PLEKHA8: variants seen among roughly 807,000 people sequenced by gnomAD.
PLEKHA8 encodes the protein pleckstrin homology domain-containing family A member 8.
Under a neutral mutation model 68.2 loss-of-function variants are expected in PLEKHA8, and 36 were observed. The ratio of observed to expected loss-of-function variants is 0.53; its 90% CI spans 0.40 to 0.70. The LOEUF is 0.70. Ranked by LOEUF, PLEKHA8 falls within the 30% of genes least tolerant of loss-of-function variation. PLEKHA8 has a pLI of 0.00. For synonymous variants in PLEKHA8, 211 were observed against 216.1 expected, an observed-to-expected ratio of 0.98 and a Z score of 0.20; for missense variants, 505 against 615.4, an observed-to-expected ratio of 0.82 and a Z score of 1.90.
chr7:30,090,179 CA>C, exon 13 of PLEKHA8: 1 of 1,549,818 alleles, frequency 6.5e-7, no homozygotes, highest in East Asian at 2.4e-5. Context: ...CACTTGACAC[CA>C]AAACATACCC....
downstream of PLEKHA8, among the ~76,000 whole-genome samples, chr7:30,088,906 G>T (rs1371184187): frequency 6.9e-5 from 10 of 145,316 alleles, no homozygotes. Context: ...TTGAGTGGGG[G>T]TGTTGTAGGG....
chr7:30,093,916 C>A (rs1463536079), downstream of PLEKHA8, among the ~76,000 whole-genome samples: 1 of 152,202 alleles, frequency 6.6e-6, no homozygotes, highest in Admixed American at 6.5e-5. Context: ...TGGACAAATC[C>A]TTTAACCCCT....
At chr7:30,029,993 GTTTT>G (rs1195655290) in intron 1 of PLEKHA8, among the ~76,000 whole-genome samples, 3 of 152,120 alleles carry the variant, frequency 2.0e-5, no homozygotes, top group African/African-American at 7.2e-5. Context: ...ATGAGAAGAG[GTTTT>G]TCTTGTTTGC....
Position 30,062,564 on chromosome 7 carries a change from C to G in PLEKHA8, c.1230-108C>G, listed in dbSNP as rs1015701427. 15 of 780,354 alleles carry G rather than the reference C, an allele frequency of 1.9e-5. No homozygotes were observed. In the Admixed American group the frequency reaches 3.1e-4, roughly 16 times the overall value. 48.3% of individuals were successfully genotyped at this position (780,354 alleles called of 1,614,324 possible). A position where few individuals can be genotyped will look rare whatever the true frequency, so the allele number is the denominator to read the frequency against. On this transcript the variant is annotated intron_variant, in intron 11 of 13. Coordinates refer to ENST00000449726, the MANE Select transcript of PLEKHA8 (RefSeq NM_001197026.2). ...GCCATATGATTTGACCTATTCACTG[C>G]TGTGCCTAAGATGTTACTGAAATGG...
At chr7:30,067,662 A>G (rs557399658) in intron 12 of PLEKHA8, among the ~76,000 whole-genome samples, 1 of 146,486 alleles carries the variant, frequency 6.8e-6, no homozygotes, top group Non-Finnish European at 1.5e-5. Flanking sequence ...CTTTTGCTAT[A>G]TATTTATGTG....
At chr7:30,049,476 A>G (rs1013033281) in intron 5 of PLEKHA8, 94 bp downstream of exon 5, 4 of 1,455,052 alleles carry the variant, frequency 2.7e-6, no homozygotes, top group East Asian at 4.7e-5. Flanking sequence ...TTAGTGACTT[A>G]TAAAGACAGT....
At chr7:30,094,923 C>CATTGGACTGG (rs1464345927), downstream of PLEKHA8, among the ~76,000 whole-genome samples, 2 of 152,120 alleles carry the variant, frequency 1.3e-5, no homozygotes, top group Non-Finnish European at 2.9e-5. Context: ...TCCAGTCTAT[C>CATTGGACTGG]ATTGTTGGAC....
chr7:30,115,473 CAT>C (rs993934579), intron 13 of PLEKHA8, among the ~76,000 whole-genome samples: 8 of 151,834 alleles, frequency 5.3e-5, no homozygotes, highest in South Asian at 2.1e-4. Context: ...TGTATACACA[CAT>C]GTATACGTGT....
intron 13 of PLEKHA8, chr7:30,115,845 C>A (rs555823141): frequency 2.0e-5 from 3 of 148,662 alleles, no homozygotes; most frequent in Non-Finnish European, 3.0e-5. Flanking sequence ...CATGTATACA[C>A]GTATGCATAC....
chr7:30,085,995 G>A (rs1451865661), downstream of PLEKHA8, among the ~76,000 whole-genome samples: 1 of 152,172 alleles, frequency 6.6e-6, no homozygotes, highest in Non-Finnish European at 1.5e-5. Context: ...TTGCCCTGAA[G>A]TTCCTCTTCT....
chr7:30,048,389 T>C (rs536837174), intron 4 of PLEKHA8, among the ~76,000 whole-genome samples: 111 of 152,360 alleles, frequency 7.3e-4, no homozygotes, highest in Non-Finnish European at 1.3e-3. Context: ...TTATTGTCTT[T>C]CATTGATGTG....
intron 12 of PLEKHA8, among the ~76,000 whole-genome samples, chr7:30,065,780 A>G (rs1793805813): frequency 1.3e-5 from 2 of 152,218 alleles, no homozygotes; most frequent in South Asian, 2.1e-4. Flanking sequence ...AATCTTCCAA[A>G]TACTCTCCAG....
chr7:30,112,665 T>C (rs1210496605), intron 13 of PLEKHA8, among the ~76,000 whole-genome samples: 1 of 151,246 alleles, frequency 6.6e-6, no homozygotes, highest in Non-Finnish European at 1.5e-5. Flanking sequence ...CAGTGAGCGA[T>C]GATTGTGCCA....
At chr7:30,105,727 G>A (rs945637255) in intron 13 of PLEKHA8, among the ~76,000 whole-genome samples, 1 of 152,186 alleles carries the variant, frequency 6.6e-6, no homozygotes, top group Non-Finnish European at 1.5e-5. Flanking sequence ...AAGTTTACCG[G>A]CCACTCAAGA....
At position 30,078,821 on chromosome 7, in the gene PLEKHA8, A is replaced by G. The variant is rs538548037; in HGVS notation, c.*34A>G. The G allele has an allele frequency of 1.3e-5, 21 of 1,604,710 alleles. No individual in the cohort carries two copies. The Admixed American group carries it at 2.4e-4, about 18-fold the overall frequency. ...GGGCAGCACCTCCTAACTTCAGGGAATAAGTGCTAAAGTGTTTTGTTGCCC... is the reference window on the plus strand; with the variant it reads ...GGGCAGCACCTCCTAACTTCAGGGAGTAAGTGCTAAAGTGTTTTGTTGCCC... On this transcript the variant is annotated 3_prime_UTR_variant, in exon 14 of 14. Transcript: ENST00000449726.
chr7:30,086,948 T>C (rs1010527958), downstream of PLEKHA8, among the ~76,000 whole-genome samples: 1 of 152,068 alleles, frequency 6.6e-6, no homozygotes, highest in Non-Finnish European at 1.5e-5. Context: ...GTGGTTCGGG[T>C]TGATGGAGAA....
intron 1 of PLEKHA8, among the ~76,000 whole-genome samples, chr7:30,037,284 C>T (rs1791173757): frequency 6.6e-6 from 1 of 152,070 alleles, no homozygotes; most frequent in African/African-American, 2.4e-5. Flanking sequence ...CCTATCAAGA[C>T]ATTTAATTTC....
chr7:30,063,855 T>A (rs952411114), intron 12 of PLEKHA8, among the ~76,000 whole-genome samples: 2 of 152,240 alleles, frequency 1.3e-5, no homozygotes, highest in Non-Finnish European at 2.9e-5. Flanking sequence ...AGGCCCCTGC[T>A]TTGAAGGTCC....
chr7:30,079,238 T>C lies in PLEKHA8; in HGVS notation c.*451T>C. ...AGTATAAGCTGCTTTGTTGAAGCTG[T>C]GTAGAGTTTGCTGTTCCTAGATGTT... On this transcript the variant is annotated 3_prime_UTR_variant, in exon 14 of 14. Transcript: ENST00000449726. 1.0e-6 allele frequency: 1 copy of C among 995,112 alleles called. No individual in the cohort carries two copies. The highest frequency in any genetic ancestry group is 1.2e-6 in the Non-Finnish European group (1 of 835,856). The allele number at this position is 995,112 out of a possible 1,614,324, so 61.6% of individuals were successfully genotyped here.
Sources: gnomAD v4.1 joint callset for allele counts (sites outside exome capture counted in the v4.1 genomes callset) on GRCh38, gnomAD v4.1.1 for gene constraint, MANE v1.5 for transcripts, NCBI Gene and HGNC (gene_info 2026-07-23, HGNC 2026-07-21) for gene names.